OAS3: variants seen among roughly 807,000 people sequenced by gnomAD.
OAS3 encodes 2'-5'-oligoadenylate synthase 3.
Under a neutral mutation model 113.0 loss-of-function variants are expected in OAS3, and 107 were observed. The ratio of observed to expected loss-of-function variants is 0.95; its 90% confidence interval spans 0.81 to 1.11. The LOEUF (loss-of-function observed/expected upper bound fraction) is 1.11. Among genes scored for constraint, OAS3 ranks in the 50% most tolerant of loss-of-function variants. The pLI, the probability that OAS3 is intolerant of heterozygous loss-of-function variation, is 0.00. For missense variants in OAS3, 1,258 were observed against 1,389.1 expected (o/e 0.91, Z 1.50); for synonymous variants, 552 against 573.6 (o/e 0.96, Z 0.54).
In OAS3 at chr12:112,941,887, CA is replaced by C; in HGVS notation, c.460+39del. The C allele has an allele frequency of 6.2e-6, 10 of 1,613,616 alleles. No homozygotes were observed. The Middle Eastern group carries it at 1.3e-3, about 213-fold the overall frequency. ...TCCTAGACCATTCCAGGGTTGGGGG[CA>C]AAAGATCATTGGGAACAACACAGGA... On this transcript the variant is annotated intron_variant, in intron 2 of 15. Transcript: ENST00000228928.
chr12:112,960,407 A>C (rs1477901880), intron 7 of OAS3, among the ~76,000 whole-genome samples: 4 of 152,106 alleles, frequency 2.6e-5, no homozygotes, highest in Admixed American at 2.0e-4. Flanking sequence ...AACCTTTTGC[A>C]GTCACTTTTC....
chr12:112,938,626 T>C lies in OAS3; in HGVS notation c.96T>C (p.Ala32=), dbSNP rs2136340743. 6.2e-7 allele frequency: 1 copy of C among 1,608,460 alleles called. No homozygotes were observed. The highest frequency in any genetic ancestry group is 2.2e-5 in the East Asian group (1 of 44,726). ...RKEFVEKARR[A]LGALAAALRE... ...AGTTCGTAGAGAAGGCGCGGCGCGC[T>C]CTGGGCGCCCTGGCCGCTGCCCTGA... Residue 32 remains alanine, a synonymous_variant, in exon 1 of 16, where the codon GCT becomes GCC. Transcript: ENST00000228928.
In OAS3 at chr12:112,964,257, C is replaced by T. The variant is rs1367294910; in HGVS notation, c.2252C>T (p.Pro751Leu). ...CAGCCAGCCCTCCTTTACCAAACCC[C>T]AGCTGGGGACCTTGACAAGTTCATC... ...DVMPALLYQTPAGDLDKFISE... is the reference protein window; with the variant it reads ...DVMPALLYQTLAGDLDKFISE... The change falls in exon 11 of 16, where the codon CCA becomes CTA. Residue 751 changes from proline to leucine, a missense_variant. Pro to Leu is a moderately conservative substitution (Grantham distance 98). Coordinates refer to ENST00000228928, the MANE Select transcript of OAS3 (RefSeq NM_006187.4). 3 of 1,596,516 alleles carry T rather than the reference C, an allele frequency of 1.9e-6. No individual in the cohort carries two copies. The highest frequency in any genetic ancestry group is 2.3e-5 in the South Asian group (2 of 87,614).
In OAS3 at chr12:112,973,125, A is replaced by T. The variant is rs1334458913; in HGVS notation, c.*3152A>T. 1 of 152,112 alleles carries T rather than the reference A, an allele frequency of 6.6e-6. No homozygotes were observed. The highest frequency in any genetic ancestry group is 6.6e-5 in the Admixed American group (1 of 15,266). 9.4% of individuals were successfully genotyped at this position (152,112 alleles called of 1,614,324 possible). On this transcript the variant is annotated 3_prime_UTR_variant, in exon 16 of 16. Transcript: ENST00000228928. ...GACATTTTCATCACCCTAAAAGGAA[A>T]CCCTGAAACCCATTAGCAGTCATTC... is the stretch of plus-strand genomic sequence containing the variant.
intron 1 of OAS3, among the ~76,000 whole-genome samples, 154 bp downstream of exon 1, chr12:112,938,861 A>T (rs2043654187): frequency 6.6e-6 from 1 of 151,922 alleles, no homozygotes. Context: ...CCCCGTGCTA[A>T]CTCCCCCGAA....
chr12:112,944,701 G>T, intron 3 of OAS3, 50 bp downstream of exon 3: 1 of 1,593,538 alleles, frequency 6.3e-7, no homozygotes. Flanking sequence ...TTTGCTTTGT[G>T]CTTTCATAGT....
chr12:112,960,042 T>A (rs114256128), intron 7 of OAS3, among the ~76,000 whole-genome samples: 1 of 152,272 alleles, frequency 6.6e-6, no homozygotes, highest in African/African-American at 2.4e-5. Context: ...AATCATTTCC[T>A]CATATAGTTT....
chr12:112,950,733 G>A lies in OAS3; in HGVS notation c.1415G>A (p.Cys472Tyr). 1.2e-6 allele frequency: 2 copies of A among 1,614,028 alleles called. No homozygotes were observed. The highest frequency in any genetic ancestry group is 1.7e-6 in the Non-Finnish European group (2 of 1,179,898). Residue 472 changes from cysteine to tyrosine, a missense_variant, in exon 7 of 16, where the codon TGT becomes TAT. Coordinates refer to ENST00000228928, the MANE Select transcript of OAS3 (RefSeq NM_006187.4). ...FGRGTDLRDGCDVELIIFLNC... is the reference protein window; with the variant it reads ...FGRGTDLRDGYDVELIIFLNC... The stretch of plus-strand genomic sequence containing the variant: ...CGGGGCACAGACCTAAGGGATGGCT[G>A]TGATGTTGAACTCATCATCTTCCTC...
chr12:112,971,645 A>T lies in OAS3; in HGVS notation c.*1672A>T, dbSNP rs2043985168. The T allele has an allele frequency of 6.6e-6, 1 of 152,150 alleles. No individual in the cohort carries two copies. Among genetic ancestry groups the T allele is most frequent in the African/African-American group, 2.4e-5 (1 of 41,422 alleles). The allele number at this position is 152,150 out of a possible 1,614,324, so 9.4% of individuals were successfully genotyped here. A position where few individuals can be genotyped will look rare whatever the true frequency, so the allele number is the denominator to read the frequency against. ...TGACTCTCCACAAACCACTGTTAAA[A>T]CTTACCTGCTAGGAATGCTAGATTG... is the stretch of plus-strand genomic sequence containing the variant. On this transcript the variant is annotated 3_prime_UTR_variant, in exon 16 of 16. Transcript: ENST00000228928.
chr12:112,948,136 CTTTG>C (rs147443286), intron 5 of OAS3, 37 bp downstream of exon 5: 43,038 of 1,480,342 alleles, frequency 0.029, 892 homozygotes, highest in South Asian at 0.074. Context: ...GGGTTTTGCA[CTTTG>C]TTTATGTGTC....
chr12:112,950,271 G>A (rs2043776729), intron 6 of OAS3, among the ~76,000 whole-genome samples: 2 of 152,180 alleles, frequency 1.3e-5, no homozygotes, highest in African/African-American at 4.8e-5. Context: ...AAGGAGGGAG[G>A]GAGGGAGGGA....
intron 14 of OAS3, 100 bp from the exon 15 acceptor site, chr12:112,969,508 T>C (rs1227171331): frequency 1.4e-6 from 2 of 1,413,874 alleles, no homozygotes; most frequent in African/African-American, 2.8e-5. Context: ...CTCTAGCCCC[T>C]GCAAAGTGTT....
At chr12:112,943,255 A>G (rs1461389218) in intron 2 of OAS3, among the ~76,000 whole-genome samples, 2 of 152,220 alleles carry the variant, frequency 1.3e-5, no homozygotes, top group Admixed American at 1.3e-4. Context: ...TATATTAATC[A>G]TAATAGTTAC....
rs201675555 is a variant in OAS3 at position 112,969,990 on chromosome 12, G to A, written c.*17G>A. 71 of 1,605,970 alleles carry A rather than the reference G, an allele frequency of 4.4e-5. No individual in the cohort carries two copies. The highest frequency in any genetic ancestry group is 1.2e-4 in the South Asian group (11 of 89,120). ...GCTGTGTGAAGTTGAGAAAATCAGCGGTCCTACTGGATGAAGAGAAGATGG... is the reference window on the plus strand; with the variant it reads ...GCTGTGTGAAGTTGAGAAAATCAGCAGTCCTACTGGATGAAGAGAAGATGG... On this transcript the variant is annotated 3_prime_UTR_variant, in exon 16 of 16. Coordinates refer to ENST00000228928, the MANE Select transcript of OAS3 (RefSeq NM_006187.4).
At chr12:112,965,548 AG>A (rs1332245280) in intron 11 of OAS3, among the ~76,000 whole-genome samples, 195 bp from the exon 12 acceptor site, 5 of 152,234 alleles carry the variant, frequency 3.3e-5, no homozygotes, top group African/African-American at 1.2e-4. Flanking sequence ...CATTTGTTGA[AG>A]GGTTTAAACT....
Position 112,941,595 on chromosome 12 carries a change from C to G in OAS3, c.203C>G (p.Ala68Gly). The change falls in exon 2 of 16, where the codon GCT (alanine) becomes GGT (glycine). Residue 68 changes from alanine (A) to glycine (G), a missense_variant. Physicochemically the swap from Ala to Gly is moderately conservative, Grantham distance 60 (BLOSUM62 0). Coordinates refer to ENST00000228928, the MANE Select transcript of OAS3 (RefSeq NM_006187.4). Reference sequence around the variant, plus strand: ...GGAGGCTCCTCGGGCCGGGGCACAGCTCTCAAGGGTGGCTGTGATTCTGAA... The same window carrying G: ...GGAGGCTCCTCGGGCCGGGGCACAGGTCTCAAGGGTGGCTGTGATTCTGAA... The part of the protein sequence containing the change: ...VKGGSSGRGT[A>G]LKGGCDSELV... 6.2e-7 allele frequency: 1 copy of G among 1,613,888 alleles called. No homozygotes were observed. The highest frequency in any genetic ancestry group is 8.5e-7 in the Non-Finnish European group (1 of 1,179,774).
At chr12:112,958,081 T>G (rs1397856661) in intron 7 of OAS3, among the ~76,000 whole-genome samples, 1 of 152,238 alleles carries the variant, frequency 6.6e-6, no homozygotes, top group African/African-American at 2.4e-5. Context: ...TTCATTTCAT[T>G]CATTTGATCT....
chr12:112,963,407 G>A lies in OAS3; in HGVS notation c.2179G>A (p.Ala727Thr), dbSNP rs45607836. Reference protein sequence around the residue: ...AQEAAALGMQACFLSRDGTSV... With the variant: ...AQEAAALGMQTCFLSRDGTSV... ...GGAAGCAGCAGCGCTGGGGATGCAG[G>A]CCTGCTTTCTGAGTAGAGACGGGAC... Residue 727 changes from alanine (A) to threonine (T), a missense_variant, in exon 10 of 16, where the codon GCC (alanine) becomes ACC (threonine). Physicochemically the swap from Ala to Thr is moderately conservative, Grantham distance 58. Coordinates refer to ENST00000228928, the MANE Select transcript of OAS3 (RefSeq NM_006187.4). This position sits in a 1 kb window ranked among gnomAD's most constrained non-coding sequence, Gnocchi z 4.6. 2.6e-6 allele frequency: 4 copies of A among 1,551,952 alleles called. No individual in the cohort carries two copies. In the East Asian group the frequency reaches 7.3e-5, roughly 28 times the overall value.
chr12:112,964,201 T>A, intron 10 of OAS3, 34 bp from the exon 11 acceptor site: 1 of 1,554,300 alleles, frequency 6.4e-7, no homozygotes, highest in Non-Finnish European at 8.7e-7. Context: ...GGGAGTCCCG[T>A]CTCAAGCTGG....
Sources: allele counts gnomAD v4.1 joint callset (sites outside exome capture counted in the v4.1 genomes callset), GRCh38; gene constraint gnomAD v4.1.1; non-coding constraint Gnocchi (gnomAD v3.1); transcripts MANE v1.5; gene names NCBI Gene and HGNC (gene_info 2026-07-23, HGNC 2026-07-21).